Variants in PHLDB2 observed in about 807,000 individuals in gnomAD.
The protein encoded by PHLDB2 is pleckstrin homology-like domain family B member 2.
Under a neutral mutation model 123.6 loss-of-function variants are expected in PHLDB2, and 71 were observed. The ratio of observed to expected loss-of-function variants is 0.57; its 90% CI spans 0.47 to 0.70. The LOEUF is 0.70. PHLDB2 is among the 30% of genes least tolerant of loss of function. PHLDB2 has a pLI of 0.00. For missense variants in PHLDB2, 1,446 were observed against 1,519.5 expected (o/e 0.95, Z 0.80); for synonymous variants, 547 against 541.6 (o/e 1.01, Z -0.14).
chr3:111,875,820 CAA>C (rs34846400), intron 1 of PHLDB2, among the ~76,000 whole-genome samples: 203 of 114,972 alleles, frequency 1.8e-3, no homozygotes, highest in Middle Eastern at 8.5e-3. Flanking sequence ...AAGACTGTCT[CAA>C]AAAAAAAAAA....
chr3:111,873,658 G>A (rs143805487), intron 1 of PHLDB2, among the ~76,000 whole-genome samples: 1 of 152,098 alleles, frequency 6.6e-6, no homozygotes, highest in African/African-American at 2.4e-5. Context: ...TGCTTTCTGG[G>A]TTGCTGTGTC....
intron 1 of PHLDB2, among the ~76,000 whole-genome samples, chr3:111,840,489 T>C (rs1213078336): frequency 1.3e-5 from 2 of 152,220 alleles, no homozygotes; most frequent in African/African-American, 4.8e-5. Flanking sequence ...TTTGCATTGA[T>C]ATTGGATAAT....
intron 2 of PHLDB2, among the ~76,000 whole-genome samples, chr3:111,907,508 G>A (rs2067617454): frequency 6.6e-6 from 1 of 152,026 alleles, no homozygotes; most frequent in African/African-American, 2.4e-5. Flanking sequence ...TTGTTTGTTT[G>A]TTTTTTGAGA....
intron 7 of PHLDB2, among the ~76,000 whole-genome samples, chr3:111,940,170 A>G (rs531959185): frequency 6.6e-6 from 1 of 152,298 alleles, no homozygotes; most frequent in South Asian, 2.1e-4. Flanking sequence ...AAGACAAGAG[A>G]AGGTGTTTTC....
intron 1 of PHLDB2, among the ~76,000 whole-genome samples, chr3:111,806,983 A>G (rs4367034): frequency 2.0e-3 from 299 of 151,848 alleles, no homozygotes; most frequent in African/African-American, 7.0e-3. Flanking sequence ...GGGACTTGTA[A>G]GAGACATTAG....
intron 2 of PHLDB2, among the ~76,000 whole-genome samples, chr3:111,898,478 C>T (rs539607969): frequency 2.1e-4 from 32 of 152,116 alleles, no homozygotes; most frequent in Non-Finnish European, 4.0e-4. Context: ...CCACCGCACC[C>T]AGCCAGCAAT....
chr3:111,840,006 G>A (rs561148201), intron 1 of PHLDB2, among the ~76,000 whole-genome samples: 86 of 120,422 alleles, frequency 7.1e-4, no homozygotes, highest in African/African-American at 2.7e-3. Flanking sequence ...CCAGCACTTC[G>A]GGAGGCTGAG....
intron 1 of PHLDB2, among the ~76,000 whole-genome samples, chr3:111,876,251 G>A (rs1031360508): frequency 6.6e-6 from 1 of 152,138 alleles, no homozygotes; most frequent in Non-Finnish European, 1.5e-5. Context: ...GGAGACCAAT[G>A]TTGATTCCCA....
At chr3:111,852,426 T>C (rs1202825846) in intron 2 of PHLDB2, among the ~76,000 whole-genome samples, 1 of 149,450 alleles carries the variant, frequency 6.7e-6, no homozygotes, top group African/African-American at 2.4e-5. Flanking sequence ...TCCTTATGTA[T>C]AATTATCTTT....
chr3:111,857,231 C>T (rs929860318), upstream of PHLDB2, among the ~76,000 whole-genome samples: 1 of 152,036 alleles, frequency 6.6e-6, no homozygotes, highest in East Asian at 1.9e-4. Context: ...GCAGACAGAT[C>T]GCTTGAGCCC....
At chr3:111,876,492 T>C (rs1399845335) in intron 1 of PHLDB2, among the ~76,000 whole-genome samples, 1 of 152,208 alleles carries the variant, frequency 6.6e-6, no homozygotes, top group East Asian at 1.9e-4. Flanking sequence ...TTTATATGTA[T>C]GATATACTAT....
At chr3:111,808,068 T>C (rs1376914309) in intron 1 of PHLDB2, among the ~76,000 whole-genome samples, 1 of 151,782 alleles carries the variant, frequency 6.6e-6, no homozygotes, top group African/African-American at 2.4e-5. Flanking sequence ...GCCCAGAAAT[T>C]CTGATTTCAT....
At chr3:111,970,230 TTC>T (rs1184526335) in intron 16 of PHLDB2, among the ~76,000 whole-genome samples, 1 of 152,214 alleles carries the variant, frequency 6.6e-6, no homozygotes, top group African/African-American at 2.4e-5. Flanking sequence ...TTATTTGTTT[TTC>T]TGTTTTAATC....
intron 1 of PHLDB2, among the ~76,000 whole-genome samples, chr3:111,743,486 C>T (rs554354911): frequency 6.6e-6 from 1 of 152,084 alleles, no homozygotes; most frequent in Non-Finnish European, 1.5e-5. Context: ...CTTCATTTTT[C>T]CTGGGAGCAA....
At chr3:111,953,861 A>G (rs1047529312) in intron 11 of PHLDB2, 69 bp from the exon 12 acceptor site, 5 of 1,190,590 alleles carry the variant, frequency 4.2e-6, no homozygotes, top group Non-Finnish European at 4.9e-6. Flanking sequence ...GGAAACAGGG[A>G]TGTGGCCATT....
chr3:111,919,281 C>T, intron 4 of PHLDB2, 66 bp downstream of exon 4: 1 of 1,552,844 alleles, frequency 6.4e-7, no homozygotes, highest in Non-Finnish European at 8.9e-7. Context: ...GCTACTTATT[C>T]AGGAATAGGC....
intron 2 of PHLDB2, among the ~76,000 whole-genome samples, chr3:111,898,190 G>GTT (rs2066988467): frequency 2.7e-5 from 4 of 149,892 alleles, no homozygotes; most frequent in African/African-American, 1.0e-4. Flanking sequence ...GTTTGTGTGT[G>GTT]TGTGTGTGTG....
chr3:111,812,478 A>G (rs1365204916), intron 1 of PHLDB2, among the ~76,000 whole-genome samples: 1 of 152,218 alleles, frequency 6.6e-6, no homozygotes, highest in East Asian at 1.9e-4. Context: ...AGGTAACTGA[A>G]TGTTTTCATG....
Position 111,967,821 on chromosome 3 carries a change from A to G in PHLDB2, c.3312A>G (p.Ala1104=), listed in dbSNP as rs1437435476. Residue 1104 remains alanine (A), a synonymous_variant, in exon 15 of 18, where the codon GCA becomes GCG. Coordinates refer to ENST00000431670, the MANE Select transcript of PHLDB2 (RefSeq NM_001134438.2). The stretch of plus-strand genomic sequence containing the variant: ...TAAAAATAAGGGAGAGACAAAGGGC[A>G]CAGGTTGGTCGGTCAATCTGAATGC... ...KEVKIRERQR[A]QARPLTRYLP... 1 of 1,606,788 alleles carries G rather than the reference A, an allele frequency of 6.2e-7. No homozygotes were observed. The highest frequency in any genetic ancestry group is 1.7e-5 in the Admixed American group (1 of 58,270).
Sources: allele counts gnomAD v4.1 joint callset (sites outside exome capture counted in the v4.1 genomes callset), GRCh38; gene constraint gnomAD v4.1.1; transcripts MANE v1.5; gene names NCBI Gene and HGNC (gene_info 2026-07-23, HGNC 2026-07-21).